Variants in SCGN observed in about 807,000 individuals in gnomAD.
SCGN encodes the protein secretagogin, EF-hand calcium binding protein, also known as secretagogin.
In SCGN, 30 loss-of-function variants were observed where a neutral mutation model predicts 39.7. That is an observed-to-expected ratio of 0.76 (90% CI 0.57 to 1.03). The LOEUF (loss-of-function observed/expected upper bound fraction) is 1.03. SCGN is among the 50% of genes least tolerant of loss of function. SCGN has a pLI of 0.00. For missense variants in SCGN, 353 were observed against 349.4 expected, an observed-to-expected ratio of 1.01 and a Z score of -0.08; for synonymous variants, 106 against 114.1, an observed-to-expected ratio of 0.93 and a Z score of 0.45.
chr6:25,662,131 T>C (rs1312238986), intron 3 of SCGN, among the ~76,000 whole-genome samples: 1 of 152,214 alleles, frequency 6.6e-6, no homozygotes, highest in African/African-American at 2.4e-5. Flanking sequence ...CAACCCACTT[T>C]TATGGAGCAC....
intron 6 of SCGN, among the ~76,000 whole-genome samples, chr6:25,679,905 A>G (rs1262086889): frequency 2.0e-5 from 3 of 152,248 alleles, no homozygotes; most frequent in African/African-American, 7.2e-5. Flanking sequence ...AACCAAATTC[A>G]TGATGAGATA....
At chr6:25,677,483 G>A (rs1371175430) in intron 6 of SCGN, among the ~76,000 whole-genome samples, 1 of 152,050 alleles carries the variant, frequency 6.6e-6, no homozygotes, top group East Asian at 1.9e-4. Context: ...TTTTGGAATA[G>A]CATATGGCAA....
chr6:25,700,433 AG>A (rs1759896619), intron 10 of SCGN, among the ~76,000 whole-genome samples: 3 of 152,134 alleles, frequency 2.0e-5, no homozygotes, highest in Admixed American at 6.5e-5. Flanking sequence ...AGGACTATTG[AG>A]GACTGTCTCC....
intron 9 of SCGN, among the ~76,000 whole-genome samples, chr6:25,689,839 C>T (rs1759753950): frequency 6.6e-6 from 1 of 152,008 alleles, no homozygotes; most frequent in African/African-American, 2.4e-5. Flanking sequence ...TACACAAAAA[C>T]ATACAACCCT....
intron 3 of SCGN, 103 bp from the exon 4 acceptor site, chr6:25,664,840 C>A: frequency 1.4e-6 from 1 of 729,216 alleles, no homozygotes. Flanking sequence ...AAGATCTGAG[C>A]CCTTCTGCCC....
intron 10 of SCGN, among the ~76,000 whole-genome samples, chr6:25,696,056 A>C (rs966864580): frequency 1.3e-5 from 2 of 152,134 alleles, no homozygotes; most frequent in East Asian, 3.8e-4. Flanking sequence ...TTGATGGACA[A>C]CCCATTTGCT....
chr6:25,683,052 A>C (rs1883259), intron 7 of SCGN, among the ~76,000 whole-genome samples: 122,804 of 152,156 alleles, frequency 0.81, 49,742 homozygotes, highest in East Asian at 0.87. Context: ...CCTCATAGGA[A>C]TTGTGAGGCA....
chr6:25,668,476 C>T (rs576175425), intron 4 of SCGN, among the ~76,000 whole-genome samples: 1 of 152,252 alleles, frequency 6.6e-6, no homozygotes, highest in South Asian at 2.1e-4. Flanking sequence ...TTATTTTATC[C>T]CCTCCATCAG....
chr6:25,682,985 C>T (rs1488195602), intron 7 of SCGN, among the ~76,000 whole-genome samples: 1 of 152,196 alleles, frequency 6.6e-6, no homozygotes, highest in African/African-American at 2.4e-5. Context: ...GGAAGAATAT[C>T]TCCTCAGTAA....
chr6:25,655,300 A>C (rs570691773), intron 2 of SCGN, among the ~76,000 whole-genome samples: 1 of 152,312 alleles, frequency 6.6e-6, no homozygotes, highest in Non-Finnish European at 1.5e-5. Flanking sequence ...TCACTGTTGA[A>C]GCTGGAGTAT....
At chr6:25,660,868 T>C (rs944530024) in intron 2 of SCGN, among the ~76,000 whole-genome samples, 14 of 152,228 alleles carry the variant, frequency 9.2e-5, no homozygotes, top group African/African-American at 3.1e-4. Flanking sequence ...TCTAGAATCT[T>C]ACAATTGGGC....
At chr6:25,697,990 C>T (rs1199667659) in intron 10 of SCGN, among the ~76,000 whole-genome samples, 1 of 152,122 alleles carries the variant, frequency 6.6e-6, no homozygotes, top group Non-Finnish European at 1.5e-5. Context: ...GATACAACCT[C>T]CTAGGGTTGT....
At chr6:25,666,003 T>G (rs1261744061) in intron 4 of SCGN, among the ~76,000 whole-genome samples, 1 of 136,388 alleles carries the variant, frequency 7.3e-6, no homozygotes, top group African/African-American at 2.8e-5. Context: ...CCTTTAAAAT[T>G]TCATTATCCA....
chr6:25,657,036 G>A (rs1010114206), intron 2 of SCGN, among the ~76,000 whole-genome samples: 6 of 152,130 alleles, frequency 3.9e-5, no homozygotes, highest in Non-Finnish European at 8.8e-5. Flanking sequence ...CGACCCTGTT[G>A]AGTGATTTCC....
intron 4 of SCGN, among the ~76,000 whole-genome samples, chr6:25,668,731 C>T (rs577790284): frequency 7.3e-5 from 11 of 150,748 alleles, no homozygotes; most frequent in African/African-American, 2.7e-4. Flanking sequence ...TGGTTTCAGT[C>T]CTACATTACC....
chr6:25,656,155 C>G (rs529052244), intron 2 of SCGN, among the ~76,000 whole-genome samples: 5 of 152,288 alleles, frequency 3.3e-5, no homozygotes, highest in South Asian at 2.1e-4. Context: ...ATGGAAGGCC[C>G]TTCAGTTGAG....
intron 6 of SCGN, among the ~76,000 whole-genome samples, chr6:25,678,197 C>T (rs758649253): frequency 1.3e-4 from 19 of 151,970 alleles, no homozygotes; most frequent in Middle Eastern, 6.8e-3. Context: ...AGTATGAGTG[C>T]GAGTCTTGGA....
chr6:25,661,557 G>A lies in SCGN; in HGVS notation c.159G>A (p.Thr53=), dbSNP rs1019538230. The A allele has an allele frequency of 8.1e-6, 13 of 1,611,968 alleles. No homozygotes were observed. The African/African-American group carries it at 1.1e-4, about 13-fold the overall frequency. ...CTCTGTTTGGTCAATTGCAGGACACGGTCATGAAAGCAAATTTGCACAAGG... is the reference window on the plus strand; with the variant it reads ...CTCTGTTTGGTCAATTGCAGGACACAGTCATGAAAGCAAATTTGCACAAGG... ...HMLMKLGTDD[T]VMKANLHKVK... The change falls in exon 3 of 11, where the codon ACG becomes ACA. Residue 53 remains threonine, a synonymous_variant. Coordinates refer to ENST00000377961, the MANE Select transcript of SCGN (RefSeq NM_006998.4).
intron 3 of SCGN, among the ~76,000 whole-genome samples, chr6:25,664,197 G>A (rs1437981061): frequency 6.6e-6 from 1 of 152,200 alleles, no homozygotes; most frequent in Non-Finnish European, 1.5e-5. Context: ...CATCATACTT[G>A]AGTCAACTGT....
Sources: gnomAD v4.1 joint callset for allele counts (sites outside exome capture counted in the v4.1 genomes callset) on GRCh38, gnomAD v4.1.1 for gene constraint, MANE v1.5 for transcripts, NCBI Gene and HGNC (gene_info 2026-07-23, HGNC 2026-07-21) for gene names.